Variants in PTPRD observed in about 807,000 individuals in gnomAD.
PTPRD encodes receptor-type tyrosine-protein phosphatase delta.
PTPRD carries 34 observed loss-of-function variants against 214.5 expected under a neutral mutation model. The ratio of observed to expected loss-of-function variants is 0.16; its 90% CI spans 0.12 to 0.21. The LOEUF (loss-of-function observed/expected upper bound fraction) is 0.21. PTPRD is among the 10% of genes least tolerant of loss of function. PTPRD has a pLI of 1.00. For synonymous variants in PTPRD, 1,128 were observed against 845.7 expected (o/e 1.33, Z -5.79); for missense variants, 2,545 against 2,398.7 (o/e 1.06, Z -1.27).
At chr9:9,792,723 A>C (rs972888253) in intron 5 of PTPRD, among the ~76,000 whole-genome samples, 15 of 152,192 alleles carry the variant, frequency 9.9e-5, no homozygotes, top group African/African-American at 3.4e-4. Flanking sequence ...ATCAGAATGC[A>C]AATGGCCCCA....
chr9:10,052,405 G>A (rs2097550153), intron 3 of PTPRD, among the ~76,000 whole-genome samples: 1 of 152,112 alleles, frequency 6.6e-6, no homozygotes, highest in Non-Finnish European at 1.5e-5. Context: ...TTGGAATTGT[G>A]TCATTCCCCA....
intron 2 of PTPRD, among the ~76,000 whole-genome samples, chr9:10,553,990 T>C (rs1478024734): frequency 6.6e-6 from 1 of 152,190 alleles, no homozygotes; most frequent in Non-Finnish European, 1.5e-5. Flanking sequence ...ATATCCCCTT[T>C]ATTATATTTT....
intron 11 of PTPRD, among the ~76,000 whole-genome samples, chr9:8,872,506 T>C (rs1449162719): frequency 1.3e-5 from 2 of 152,174 alleles, no homozygotes; most frequent in Non-Finnish European, 2.9e-5. Flanking sequence ...AACAGCTTTG[T>C]ACAAGCTAGT....
Position 9,725,093 on chromosome 9 carries a change from G to A in PTPRD, c.-287+9440C>T, listed in dbSNP as rs116458885. Reference sequence around the variant, plus strand: ...ATATCTGGGGTAGGTTAGTCAGAGTGTCCTTAACACATCCTCTTTTGCTTC... The same window carrying A: ...ATATCTGGGGTAGGTTAGTCAGAGTATCCTTAACACATCCTCTTTTGCTTC... On this transcript the variant is annotated intron_variant, in intron 7 of 45. Coordinates refer to ENST00000381196, the MANE Select transcript of PTPRD (RefSeq NM_002839.4). Among the ~76,000 whole-genome samples the A allele has an allele frequency of 4.5e-3, 686 of 152,228 alleles. 4 individuals carry two copies. The highest frequency in any genetic ancestry group is 0.016 in the African/African-American group (664 of 41,538).
chr9:9,771,814 C>G (rs10977966), intron 5 of PTPRD, among the ~76,000 whole-genome samples: 34,497 of 151,862 alleles, frequency 0.23, 4,869 homozygotes, highest in South Asian at 0.34. Context: ...GTCTTTGTAT[C>G]TGCTTAAACC....
rs779744339 is a variant in PTPRD, at chr9:8,499,819, T to C, written c.2150A>G (p.Lys717Arg). The change falls in exon 25 of 46, where the codon AAA becomes AGA. Residue 717 changes from lysine to arginine, a missense_variant. Transcript: ENST00000381196. ...NEDVPSGPPR[K>R]VEVEAVNSTS... ...TGAGTTGACAGCCTCTACCTCGACT[T>C]TGCGAGGAGGACCACTAGGAACTGG... The C allele has an allele frequency of 2.5e-6, 4 of 1,612,276 alleles. No individual in the cohort carries two copies. The highest frequency in any genetic ancestry group is 3.4e-5 in the Admixed American group (2 of 59,638).
At chr9:8,986,406 T>G (rs1321661846) in intron 11 of PTPRD, among the ~76,000 whole-genome samples, 1 of 151,924 alleles carries the variant, frequency 6.6e-6, no homozygotes, top group Non-Finnish European at 1.5e-5. Context: ...TAACAGTTGT[T>G]TTCATTTTGT....
At chr9:8,926,209 A>C (rs2154276092) in intron 11 of PTPRD, among the ~76,000 whole-genome samples, 1 of 152,148 alleles carries the variant, frequency 6.6e-6, no homozygotes, top group African/African-American at 2.4e-5. Flanking sequence ...CCAAGGTTTT[A>C]TCAACTCAGC....
intron 3 of PTPRD, among the ~76,000 whole-genome samples, chr9:10,181,727 G>A (rs573614819): frequency 1.3e-5 from 2 of 150,512 alleles, no homozygotes; most frequent in African/African-American, 2.4e-5. Context: ...ATGGCAAGGT[G>A]AACTGTTAGT....
chr9:10,448,775 T>TG (rs1446217321), intron 2 of PTPRD, among the ~76,000 whole-genome samples: 14 of 152,122 alleles, frequency 9.2e-5, no homozygotes, highest in African/African-American at 3.1e-4. Flanking sequence ...CCCAATGCTC[T>TG]GTCCAACGCA....
intron 12 of PTPRD, among the ~76,000 whole-genome samples, chr9:8,667,792 T>C (rs1239800845): frequency 6.6e-6 from 1 of 152,042 alleles, no homozygotes; most frequent in Non-Finnish European, 1.5e-5. Flanking sequence ...ATCCAAAATC[T>C]GAAACACTTT....
At chr9:8,913,350 A>G (rs2043650882) in intron 11 of PTPRD, among the ~76,000 whole-genome samples, 1 of 152,114 alleles carries the variant, frequency 6.6e-6, no homozygotes, top group South Asian at 2.1e-4. Flanking sequence ...TTTGTAAGAC[A>G]TATTACTGAA....
chr9:8,338,912 G>T lies in PTPRD; in HGVS notation c.5379+10C>A, dbSNP rs2132216532. The stretch of plus-strand genomic sequence containing the variant: ...CTAATGGTTAAGAGTTGAAGACTGT[G>T]CCAACTTACCCTGGCATCTGTGACC... On this transcript the variant is annotated intron_variant, in intron 43 of 45. Transcript: ENST00000381196. The T allele has an allele frequency of 6.2e-7, 1 of 1,605,328 alleles. No individual in the cohort carries two copies. The highest frequency in any genetic ancestry group is 1.3e-5 in the African/African-American group (1 of 74,680).
chr9:8,632,358 T>C (rs1254103128), intron 14 of PTPRD, among the ~76,000 whole-genome samples: 5 of 151,840 alleles, frequency 3.3e-5, no homozygotes, highest in Non-Finnish European at 7.4e-5. Flanking sequence ...AAAAATGAAA[T>C]AGTAGAGAAA....
intron 10 of PTPRD, among the ~76,000 whole-genome samples, chr9:9,042,430 T>C (rs1175013195): frequency 6.6e-6 from 1 of 152,026 alleles, no homozygotes; most frequent in Non-Finnish European, 1.5e-5. Context: ...GCAGGTCACC[T>C]TGGAGTCACA....
intron 3 of PTPRD, among the ~76,000 whole-genome samples, chr9:10,119,072 T>C (rs946638284): frequency 6.6e-6 from 1 of 151,426 alleles, no homozygotes; most frequent in Non-Finnish European, 1.5e-5. Context: ...AAACGTAGAG[T>C]TCCACTTAAG....
At chr9:10,096,513 G>GT (rs1413663339) in intron 3 of PTPRD, among the ~76,000 whole-genome samples, 1 of 151,860 alleles carries the variant, frequency 6.6e-6, no homozygotes, top group African/African-American at 2.4e-5. Flanking sequence ...TTTTTCATGT[G>GT]TCTTTTGGCT....
chr9:8,806,183 C>T (rs898975797), intron 11 of PTPRD, among the ~76,000 whole-genome samples: 2 of 150,248 alleles, frequency 1.3e-5, no homozygotes, highest in African/African-American at 4.9e-5. Flanking sequence ...CCTTGGCCTC[C>T]CAAAGTGCTG....
intron 14 of PTPRD, among the ~76,000 whole-genome samples, chr9:8,589,715 T>C (rs1036975985): frequency 7.9e-5 from 12 of 152,130 alleles, no homozygotes; most frequent in Admixed American, 7.2e-4. Context: ...CTTGGTTGCG[T>C]TGGCACGTCT....
Sources: allele counts gnomAD v4.1 joint callset (sites outside exome capture counted in the v4.1 genomes callset), GRCh38; gene constraint gnomAD v4.1.1; transcripts MANE v1.5; gene names NCBI Gene and HGNC (gene_info 2026-07-23, HGNC 2026-07-21).